Variants in ZNF521 observed in about 807,000 individuals in gnomAD.
ZNF521 encodes zinc finger protein 521, also known as LYST-interacting protein 3.
A neutral mutation model predicts 105.5 loss-of-function variants in ZNF521; 14 were observed. That is an observed-to-expected ratio of 0.13 (90% CI 0.09 to 0.21). The LOEUF (loss-of-function observed/expected upper bound fraction) is 0.21, where lower values mean the gene tolerates loss of function less well. Ranked by LOEUF, ZNF521 falls within the 10% of genes least tolerant of loss-of-function variation. ZNF521 has a pLI of 1.00. For missense variants in ZNF521, 1,233 were observed against 1,629.7 expected, an observed-to-expected ratio of 0.76 and a Z score of 4.19; for synonymous variants, 635 against 606.0, an observed-to-expected ratio of 1.05 and a Z score of -0.70.
intron 5 of ZNF521, among the ~76,000 whole-genome samples, chr18:25,157,507 A>G (rs924941040): frequency 6.6e-6 from 1 of 152,252 alleles, no homozygotes; most frequent in African/African-American, 2.4e-5. Flanking sequence ...TAATACTATT[A>G]GAAGAGCAAC....
At chr18:25,332,064 G>C (rs954826294) in intron 2 of ZNF521, among the ~76,000 whole-genome samples, 20 of 124,602 alleles carry the variant, frequency 1.6e-4, no homozygotes, top group African/African-American at 5.1e-4. Context: ...AAAAAATGTT[G>C]GGTTTTTTCT....
At position 25,212,922 on chromosome 18, in the gene ZNF521, A is replaced by G. The variant is rs377512547; in HGVS notation, c.3573+11423T>C. Among the ~76,000 whole-genome samples the G allele has an allele frequency of 7.1e-4, 108 of 151,562 alleles. 5 individuals carry two copies. In the South Asian group the frequency reaches 0.022, roughly 31 times the overall value. Reference sequence around the variant, plus strand: ...TACCCAGCAACTTTGCTAAAGTTTTATTGTAATAATTTGTCTTTAGATTCT... The same window carrying G: ...TACCCAGCAACTTTGCTAAAGTTTTGTTGTAATAATTTGTCTTTAGATTCT... On this transcript the variant is annotated intron_variant, in intron 4 of 7. Transcript: ENST00000361524.
chr18:25,195,290 T>G (rs1392356640), intron 4 of ZNF521, 46 bp from the exon 5 acceptor site: 1 of 1,409,890 alleles, frequency 7.1e-7, no homozygotes, highest in Non-Finnish European at 9.7e-7. Context: ...CATGGACTTT[T>G]AATTGTTTCT....
At chr18:25,323,020 G>C (rs1196853745) in intron 2 of ZNF521, among the ~76,000 whole-genome samples, 1 of 151,994 alleles carries the variant, frequency 6.6e-6, no homozygotes, top group Non-Finnish European at 1.5e-5. Context: ...CTTTTACTTA[G>C]AGCTCAATAA....
chr18:25,348,227 C>G (rs1314985406), intron 2 of ZNF521, among the ~76,000 whole-genome samples: 2 of 152,092 alleles, frequency 1.3e-5, no homozygotes, highest in African/African-American at 4.8e-5. Context: ...TTTCTATGAT[C>G]CAAGTGTGAC....
intron 3 of ZNF521, among the ~76,000 whole-genome samples, chr18:25,317,475 A>G (rs1912704455): frequency 6.6e-6 from 1 of 152,192 alleles, no homozygotes; most frequent in Non-Finnish European, 1.5e-5. Flanking sequence ...TCTAAATTAT[A>G]TGAATTTTAA....
chr18:25,217,840 G>C (rs1278413155), intron 4 of ZNF521, among the ~76,000 whole-genome samples: 1 of 152,228 alleles, frequency 6.6e-6, no homozygotes, highest in African/African-American at 2.4e-5. Flanking sequence ...ACAGGGCATT[G>C]AGGGGATAGG....
intron 5 of ZNF521, among the ~76,000 whole-genome samples, chr18:25,111,044 T>C (rs898032695): frequency 6.6e-6 from 1 of 152,012 alleles, no homozygotes; most frequent in Non-Finnish European, 1.5e-5. Flanking sequence ...ATTACAGGCG[T>C]GAGCCACCAC....
At chr18:25,101,269 C>T (rs960837058) in intron 5 of ZNF521, among the ~76,000 whole-genome samples, 2 of 151,990 alleles carry the variant, frequency 1.3e-5, no homozygotes, top group Non-Finnish European at 1.5e-5. Flanking sequence ...ATAGTACTCA[C>T]GGGATGTGAA....
chr18:25,075,621 C>T (rs552094254), intron 7 of ZNF521, among the ~76,000 whole-genome samples: 1 of 152,356 alleles, frequency 6.6e-6, no homozygotes, highest in East Asian at 1.9e-4. Flanking sequence ...GAACACACCA[C>T]TATTACAGTT....
At chr18:25,102,294 A>G (rs2033982182) in intron 5 of ZNF521, among the ~76,000 whole-genome samples, 1 of 152,142 alleles carries the variant, frequency 6.6e-6, no homozygotes, top group Non-Finnish European at 1.5e-5. Context: ...ATTCTAATAA[A>G]TACCTCACAA....
At chr18:25,113,548 A>G (rs2034238250) in intron 5 of ZNF521, among the ~76,000 whole-genome samples, 1 of 151,778 alleles carries the variant, frequency 6.6e-6, no homozygotes, top group Admixed American at 6.6e-5. Context: ...GTTTTTGGTG[A>G]TTTACTACAA....
At chr18:25,135,804 T>C (rs1274949130) in intron 5 of ZNF521, among the ~76,000 whole-genome samples, 1 of 152,180 alleles carries the variant, frequency 6.6e-6, no homozygotes, top group Admixed American at 6.5e-5. Flanking sequence ...GCAGCTTTAA[T>C]CACTGAAAGA....
chr18:25,348,776 T>C (rs1368746833), intron 2 of ZNF521, among the ~76,000 whole-genome samples: 4 of 152,246 alleles, frequency 2.6e-5, no homozygotes, highest in African/African-American at 9.6e-5. Flanking sequence ...TCTTTACTCA[T>C]TCTTCACTTG....
At position 25,174,717 on chromosome 18, in the gene ZNF521, A is replaced by G. The variant is rs2035506002; in HGVS notation, c.3658+20443T>C. 2.0e-5 allele frequency among the ~76,000 whole-genome samples: 3 copies of G among 152,150 alleles called. No individual in the cohort carries two copies. The South Asian group carries it at 6.2e-4, about 32-fold the overall frequency. On this transcript the variant is annotated intron_variant, in intron 5 of 7. Coordinates refer to ENST00000361524, the MANE Select transcript of ZNF521 (RefSeq NM_015461.3). Reference sequence around the variant, plus strand: ...AGAATCACTTTCGTTCCAACTCTAAAATTGCAGTCAAGGCTCAGGAGACTA... The same window carrying G: ...AGAATCACTTTCGTTCCAACTCTAAGATTGCAGTCAAGGCTCAGGAGACTA...
At chr18:25,138,013 A>C in intron 5 of ZNF521, among the ~76,000 whole-genome samples, 1 of 152,188 alleles carries the variant, frequency 6.6e-6, no homozygotes, top group Middle Eastern at 3.4e-3. Flanking sequence ...GGTCTTTCTT[A>C]AGTAAGGACT....
intron 3 of ZNF521, among the ~76,000 whole-genome samples, chr18:25,306,647 T>C (rs771179923): frequency 1.3e-5 from 2 of 152,114 alleles, no homozygotes; most frequent in Non-Finnish European, 2.9e-5. Context: ...ACAGATAAGA[T>C]TTGTAGGGTG....
chr18:25,265,853 CAT>C (rs1909215095), intron 3 of ZNF521, among the ~76,000 whole-genome samples: 1 of 151,996 alleles, frequency 6.6e-6, no homozygotes, highest in Non-Finnish European at 1.5e-5. Flanking sequence ...ACTATTCAGA[CAT>C]AAAAAAAGAA....
In ZNF521 at chr18:25,332,370, T is replaced by C. The variant is rs530874886; in HGVS notation, c.41-10183A>G. 7.0e-4 allele frequency among the ~76,000 whole-genome samples: 104 copies of C among 148,202 alleles called. 1 individual carries two copies. The highest frequency in any genetic ancestry group is 3.9e-3 in the East Asian group (20 of 5,134). ...AGCAAAAAAAAAAAAAAAGAGGCTGTGATTTATACCTTATGAGCTATTATA... is the reference window on the plus strand; with the variant it reads ...AGCAAAAAAAAAAAAAAAGAGGCTGCGATTTATACCTTATGAGCTATTATA... On this transcript the variant is annotated intron_variant, in intron 2 of 7. Transcript: ENST00000361524.
Sources: gnomAD v4.1 joint callset for allele counts (sites outside exome capture counted in the v4.1 genomes callset) on GRCh38, gnomAD v4.1.1 for gene constraint, MANE v1.5 for transcripts, NCBI Gene and HGNC (gene_info 2026-07-23, HGNC 2026-07-21) for gene names.